IRAG2: variants seen among roughly 807,000 people sequenced by gnomAD.
IRAG2 encodes lymphoid restricted membrane protein.
Under a neutral mutation model 69.9 loss-of-function variants are expected in IRAG2, and 45 were observed. The observed-to-expected ratio is 0.64, with a 90% CI of 0.51 to 0.83. The LOEUF is 0.83. Ranked by LOEUF, IRAG2 falls within the 40% of genes least tolerant of loss-of-function variation. IRAG2 has a pLI of 0.00. For missense variants in IRAG2, 520 were observed against 587.0 expected, an observed-to-expected ratio of 0.89 and a Z score of 1.18; for synonymous variants, 193 against 202.4, an observed-to-expected ratio of 0.95 and a Z score of 0.40.
chr12:25,063,523 A>G (rs190026426), intron 3 of IRAG2, among the ~76,000 whole-genome samples, 197 bp from the exon 4 acceptor site: 13 of 152,352 alleles, frequency 8.5e-5, no homozygotes, highest in Admixed American at 2.6e-4. Context: ...TAAGAATCAT[A>G]AGTTACTCAT....
intron 2 of IRAG2, among the ~76,000 whole-genome samples, chr12:25,008,791 T>A (rs778687339): frequency 5.3e-5 from 8 of 152,122 alleles, no homozygotes; most frequent in Non-Finnish European, 1.0e-4. Context: ...TAGTGTAAGG[T>A]GTTTTCTTGG....
chr12:25,006,791 T>G (rs548881638), intron 2 of IRAG2, among the ~76,000 whole-genome samples: 3 of 152,288 alleles, frequency 2.0e-5, no homozygotes, highest in Admixed American at 6.5e-5. Context: ...TGGGATCATT[T>G]GTACACTAAA....
At chr12:25,005,437 A>G (rs1944423954) in intron 2 of IRAG2, 2 of 545,662 alleles carry the variant, frequency 3.7e-6, no homozygotes, top group Non-Finnish European at 5.5e-6. Context: ...AAGGGAAATG[A>G]TTTGTGTGTG....
At chr12:25,028,126 T>A (rs767193896) in intron 9 of IRAG2, among the ~76,000 whole-genome samples, 2 of 152,142 alleles carry the variant, frequency 1.3e-5, no homozygotes, top group African/African-American at 4.8e-5. Context: ...GATTTCACCA[T>A]GTTGGCCAGG....
chr12:25,015,377 C>A, exon 5 of IRAG2: 1 of 1,231,848 alleles, frequency 8.1e-7, no homozygotes, highest in Non-Finnish European at 1.0e-6. Flanking sequence ...ATAACAGATT[C>A]TACATTGGGG....
Position 25,077,283 on chromosome 12 carries a change from T to TG in IRAG2, c.25-1961_25-1960insG, listed in dbSNP as rs1946808085. ...ATATATGAAATATATATGAAATATA[T>TG]ATGATATATATATGAAATATATATG... On this transcript the variant is annotated intron_variant, in intron 6 of 21. Coordinates refer to ENST00000556887, the MANE Select transcript of IRAG2 (RefSeq NM_001366544.2). Among the ~76,000 whole-genome samples, 2 of 80,984 alleles carry TG rather than the reference T, an allele frequency of 2.5e-5. 1 individual carries two copies. The highest frequency in any genetic ancestry group is 8.7e-5 in the African/African-American group (2 of 22,946). The allele number at this position is 80,984 out of a possible 152,430, so 53.1% of individuals were successfully genotyped here.
chr12:25,081,086 G>A (rs6487453), intron 9 of IRAG2, among the ~76,000 whole-genome samples: 87,683 of 152,052 alleles, frequency 0.58, 25,573 homozygotes, highest in Admixed American at 0.67. Context: ...GATATTTACA[G>A]CAATAACTAG....
At chr12:25,004,305 T>G, upstream of IRAG2, 8 of 1,217,370 alleles carry the variant, frequency 6.6e-6, no homozygotes, top group Non-Finnish European at 8.2e-6. Flanking sequence ...GCCTATACTT[T>G]AGCCACTTCA....
At chr12:25,038,004 G>A (rs1944715350) in exon 16 of IRAG2, 1 of 398,854 alleles carries the variant, frequency 2.5e-6, no homozygotes, top group Non-Finnish European at 4.4e-6. Context: ...AGAGAAGCTA[G>A]ATCTTTGCAT....
chr12:25,088,462 A>G (rs1364636059), intron 11 of IRAG2, among the ~76,000 whole-genome samples: 2 of 152,250 alleles, frequency 1.3e-5, no homozygotes, highest in African/African-American at 4.8e-5. Flanking sequence ...CCCATCTAAA[A>G]GTAAAGCCCC....
intron 15 of IRAG2, 63 bp downstream of exon 15, chr12:25,097,107 C>A: frequency 6.7e-7 from 1 of 1,482,768 alleles, no homozygotes. Context: ...TTTCCTGAGA[C>A]TATGGATTTC....
At chr12:25,051,172 G>C (rs12581489), upstream of IRAG2, among the ~76,000 whole-genome samples, 3,538 of 152,286 alleles carry the variant, frequency 0.023, 56 homozygotes, top group East Asian at 0.09. Flanking sequence ...GAGAGTGAGA[G>C]AGACAACGAT....
At chr12:25,099,492 A>C (rs1440512223) in intron 15 of IRAG2, among the ~76,000 whole-genome samples, 1 of 152,086 alleles carries the variant, frequency 6.6e-6, no homozygotes, top group Non-Finnish European at 1.5e-5. Flanking sequence ...TACCATCTTG[A>C]TCTAAGCCTC....
At chr12:25,100,941 G>T (rs1948718508) in intron 15 of IRAG2, 1 of 343,628 alleles carries the variant, frequency 2.9e-6, no homozygotes, top group South Asian at 7.6e-5. Flanking sequence ...CCTTTTTTAG[G>T]GTTCAGCTTT....
chr12:25,058,186 G>C (rs973257515), intron 1 of IRAG2, among the ~76,000 whole-genome samples: 2 of 152,176 alleles, frequency 1.3e-5, no homozygotes, highest in Non-Finnish European at 2.9e-5. Context: ...GTTTTCGGTA[G>C]TTTTTATAGC....
rs1365658373 is a variant in IRAG2 at position 25,077,240 on chromosome 12, GAAAT to G, written c.25-2002_25-1999del. On this transcript the variant is annotated intron_variant, in intron 6 of 21. Transcript: ENST00000556887. Reference sequence around the variant, plus strand: ...TATGAAATATATATGATATATATATGAAATATATATATGATATATATATGAAATA... The same window carrying G: ...TATGAAATATATATGATATATATATGATATATATGATATATATATGAAATA... Among the ~76,000 whole-genome samples, 6 of 79,704 alleles carry G rather than the reference GAAAT, an allele frequency of 7.5e-5. 1 individual carries two copies. Among genetic ancestry groups the G allele is most frequent in the Non-Finnish European group, 1.0e-4 (4 of 38,226 alleles). 52.3% of individuals were successfully genotyped at this position (79,704 alleles called of 152,430 possible). A position where few individuals can be genotyped will look rare whatever the true frequency, so the allele number is the denominator to read the frequency against.
intron 5 of IRAG2, among the ~76,000 whole-genome samples, chr12:25,068,261 G>A (rs1323164432): frequency 1.3e-5 from 2 of 152,188 alleles, no homozygotes; most frequent in Non-Finnish European, 2.9e-5. Context: ...GTGAGCCACT[G>A]TGCCAGGTGA....
chr12:25,029,024 C>T (rs1454083754), intron 9 of IRAG2, among the ~76,000 whole-genome samples: 3 of 152,318 alleles, frequency 2.0e-5, no homozygotes, highest in African/African-American at 2.4e-5. Flanking sequence ...CAAACCTGCA[C>T]GTTGTGCACA....
intron 10 of IRAG2, among the ~76,000 whole-genome samples, chr12:25,086,241 A>G (rs1015976979): frequency 5.3e-5 from 8 of 151,466 alleles, no homozygotes; most frequent in Non-Finnish European, 1.0e-4. Context: ...TTTGAGAAAT[A>G]TTTAGGGGTA....
Sources: allele counts gnomAD v4.1 joint callset (sites outside exome capture counted in the v4.1 genomes callset), GRCh38; gene constraint gnomAD v4.1.1; transcripts MANE v1.5; gene names NCBI Gene and HGNC (gene_info 2026-07-23, HGNC 2026-07-21).